The following PLEKHA5 variants were observed in gnomAD, a reference collection of about 807,000 sequenced individuals.
PLEKHA5 encodes pleckstrin homology domain-containing family A member 5.
A neutral mutation model predicts 181.9 loss-of-function variants in PLEKHA5; 55 were observed. The observed-to-expected ratio is 0.30, with a 90% CI of 0.24 to 0.38. The LOEUF (loss-of-function observed/expected upper bound fraction) is 0.38. Ranked by LOEUF, PLEKHA5 falls within the 10% of genes least tolerant of loss-of-function variation. The probability of loss-of-function intolerance (pLI) is 1.00; values close to 1 mark genes in which losing one functional copy is unlikely to be tolerated. For missense variants in PLEKHA5, 1,432 were observed against 1,549.5 expected (o/e 0.92, Z 1.27); for synonymous variants, 535 against 529.4 (o/e 1.01, Z -0.15).
intron 3 of PLEKHA5, among the ~76,000 whole-genome samples, chr12:19,134,992 TC>T (rs2035179123): frequency 6.6e-6 from 1 of 152,116 alleles, no homozygotes; most frequent in Non-Finnish European, 1.5e-5. Context: ...TACAGGGTTA[TC>T]GGGGTGGATT....
chr12:19,264,005 A>G (rs559169512), intron 7 of PLEKHA5, among the ~76,000 whole-genome samples: 4 of 152,326 alleles, frequency 2.6e-5, no homozygotes, highest in East Asian at 1.9e-4. Flanking sequence ...GAAGAATGTC[A>G]TGATTAGAAG....
In PLEKHA5 at chr12:19,290,779, G is replaced by C; in HGVS notation, c.1966G>C (p.Glu656Gln). 6.5e-7 allele frequency: 1 copy of C among 1,534,738 alleles called. No homozygotes were observed. Among genetic ancestry groups the C allele is most frequent in the Non-Finnish European group, 8.7e-7 (1 of 1,145,588 alleles). Residue 656 changes from glutamate to glutamine, a missense_variant, in exon 14 of 32, where the codon GAG becomes CAG. By Grantham distance (29) the Glu-to-Gln change is conservative. Around this residue, in one of 2 missense-constraint regions of PLEKHA5, gnomAD observed 1,143 missense variants for 1,168.4 expected, o/e 0.98. Transcript: ENST00000429027. Reference sequence around the variant, plus strand: ...AGCACAGCTCATGCAGCTAAAGCTTGAGGCCCACAGCCCAAAGGTCAGCTA... The same window carrying C: ...AGCACAGCTCATGCAGCTAAAGCTTCAGGCCCACAGCCCAAAGGTCAGCTA... ...TLAQLMQLKL[E>Q]AHSPKNEILS...
At chr12:19,306,709 G>A (rs1358365554) in intron 15 of PLEKHA5, 10 of 1,467,376 alleles carry the variant, frequency 6.8e-6, no homozygotes, top group Admixed American at 3.4e-5. Flanking sequence ...CGGTTTCCTA[G>A]GCAAGATCGA....
At chr12:19,305,301 G>A (rs777415894) in intron 15 of PLEKHA5, among the ~76,000 whole-genome samples, 6 of 152,138 alleles carry the variant, frequency 3.9e-5, no homozygotes, top group Non-Finnish European at 8.8e-5. Flanking sequence ...AGTGGCTCAC[G>A]CCTGTAATTC....
chr12:19,260,362 G>C (rs1248448288), intron 6 of PLEKHA5, among the ~76,000 whole-genome samples: 1 of 152,172 alleles, frequency 6.6e-6, no homozygotes, highest in Non-Finnish European at 1.5e-5. Flanking sequence ...TTTGTGTTGA[G>C]AAGAGTGAAT....
At chr12:19,230,813 GGCAAGC>G (rs1168515232) in intron 3 of PLEKHA5, among the ~76,000 whole-genome samples, 1 of 152,174 alleles carries the variant, frequency 6.6e-6, no homozygotes, top group Non-Finnish European at 1.5e-5. Flanking sequence ...ACAGTGCAGT[GGCAAGC>G]TGATGGGCTC....
At chr12:19,347,884 T>A (rs1333496831) in intron 24 of PLEKHA5, among the ~76,000 whole-genome samples, 2 of 84,532 alleles carry the variant, frequency 2.4e-5, no homozygotes, top group African/African-American at 7.8e-5. Flanking sequence ...GAAATATTCT[T>A]TTTTTTTTTT....
chr12:19,174,597 G>A (rs182448030), intron 3 of PLEKHA5, among the ~76,000 whole-genome samples: 20 of 152,242 alleles, frequency 1.3e-4, no homozygotes, highest in African/African-American at 4.3e-4. Context: ...CGTAGGGACC[G>A]TTCTGCCCAA....
chr12:19,283,759 T>G lies in PLEKHA5; in HGVS notation c.1779+14T>G. The G allele has an allele frequency of 2.0e-6, 3 of 1,529,542 alleles. No homozygotes were observed. The highest frequency in any genetic ancestry group is 2.7e-6 in the Non-Finnish European group (3 of 1,105,850). The allele number at this position is 1,529,542 out of a possible 1,614,324, so 94.7% of individuals were successfully genotyped here. A position where few individuals can be genotyped will look rare whatever the true frequency, so the allele number is the denominator to read the frequency against. ...CATCACCCTAAGGTAAAATAGCTGC[T>G]GATTTTGTGTTAACTCACTACCTTA... On this transcript the variant is annotated intron_variant, in intron 12 of 31. Transcript: ENST00000429027.
At chr12:19,335,582 A>ATTTTTT (rs34158055) in intron 20 of PLEKHA5, among the ~76,000 whole-genome samples, 1 of 108,000 alleles carries the variant, frequency 9.3e-6, no homozygotes, top group Non-Finnish European at 1.9e-5. Flanking sequence ...CGCCTGGCTA[A>ATTTTTT]TTTTTTTTTT....
chr12:19,218,408 A>T (rs1245702894), intron 3 of PLEKHA5, among the ~76,000 whole-genome samples: 1 of 152,210 alleles, frequency 6.6e-6, no homozygotes, highest in Non-Finnish European at 1.5e-5. Flanking sequence ...TTAAAAAGTG[A>T]TGCCATATAT....
At chr12:19,200,607 G>A in intron 3 of PLEKHA5, 11 of 1,151,118 alleles carry the variant, frequency 9.6e-6, no homozygotes, top group Non-Finnish European at 1.2e-5. Context: ...TATCAGGCCT[G>A]AACTTCATTA....
At chr12:19,214,843 G>T (rs1386957248) in intron 3 of PLEKHA5, among the ~76,000 whole-genome samples, 1 of 151,356 alleles carries the variant, frequency 6.6e-6, no homozygotes, top group African/African-American at 2.4e-5. Flanking sequence ...ATGGGTAGAT[G>T]CTGCCTTTCA....
intron 20 of PLEKHA5, 143 bp from the exon 21 acceptor site, chr12:19,336,372 A>G: frequency 2.0e-6 from 1 of 511,872 alleles, no homozygotes; most frequent in East Asian, 3.5e-5. Flanking sequence ...AGTTTTAAAA[A>G]GGGACAAAAA....
chr12:19,231,261 G>A (rs2060495336), intron 3 of PLEKHA5, among the ~76,000 whole-genome samples: 1 of 151,814 alleles, frequency 6.6e-6, no homozygotes, highest in South Asian at 2.1e-4. Context: ...TATCTTCCAA[G>A]CAGATGGTAC....
At chr12:19,291,887 G>T (rs1200360282) in intron 15 of PLEKHA5, among the ~76,000 whole-genome samples, 190 bp downstream of exon 15, 1 of 152,186 alleles carries the variant, frequency 6.6e-6, no homozygotes, top group East Asian at 1.9e-4. Context: ...AAGGACAGGT[G>T]TGGAGGTAAA....
rs1158310236 is a variant in PLEKHA5, at chr12:19,352,988, A to G, written c.3020-896A>G. 2.8e-5 allele frequency among the ~76,000 whole-genome samples: 4 copies of G among 143,034 alleles called. No individual in the cohort carries two copies. In the East Asian group the frequency reaches 8.4e-4, roughly 30 times the overall value. 93.8% of individuals were successfully genotyped at this position (143,034 alleles called of 152,430 possible). A position where few individuals can be genotyped will look rare whatever the true frequency, so the allele number is the denominator to read the frequency against. ...ATTTTTTTGGAGACAGGGTCTCACT[A>G]TATTACCCAGGCTGGTCTGAAAATC... On this transcript the variant is annotated intron_variant, in intron 25 of 31. Coordinates refer to ENST00000429027, the MANE Select transcript of PLEKHA5 (RefSeq NM_001256470.2).
chr12:19,297,093 A>G (rs142488059), intron 15 of PLEKHA5, among the ~76,000 whole-genome samples: 2 of 152,232 alleles, frequency 1.3e-5, no homozygotes, highest in South Asian at 2.1e-4. Context: ...AAGTATGTAG[A>G]TGGAGATGTG....
chr12:19,158,282 G>T (rs999394820), intron 3 of PLEKHA5, among the ~76,000 whole-genome samples: 1 of 152,046 alleles, frequency 6.6e-6, no homozygotes, highest in East Asian at 1.9e-4. Flanking sequence ...GAACCCAGGA[G>T]GTGGAGCTTG....
Sources: allele counts gnomAD v4.1 joint callset (sites outside exome capture counted in the v4.1 genomes callset), GRCh38; gene constraint gnomAD v4.1.1; regional missense constraint gnomAD v4.1.1; transcripts MANE v1.5; gene names NCBI Gene and HGNC (gene_info 2026-07-23, HGNC 2026-07-21).